The following CNIH3 variants were observed in gnomAD, a reference collection of about 807,000 sequenced individuals.
CNIH3 encodes the protein protein cornichon homolog 3.
A neutral mutation model predicts 24.1 loss-of-function variants in CNIH3; 14 were observed. The observed-to-expected ratio is 0.58, with a 90% CI of 0.38 to 0.91. The LOEUF is 0.91. Among genes scored for constraint, CNIH3 ranks in the 40% least tolerant of loss-of-function variants. The pLI, the probability that CNIH3 is intolerant of heterozygous loss-of-function variation, is 0.00. For missense variants in CNIH3, 178 were observed against 196.8 expected (o/e 0.90, Z 0.57); for synonymous variants, 68 against 73.8 (o/e 0.92, Z 0.40).
At chr1:224,654,094 A>AT (rs1334939903) in intron 1 of CNIH3, among the ~76,000 whole-genome samples, 1 of 151,668 alleles carries the variant, frequency 6.6e-6, no homozygotes, top group Non-Finnish European at 1.5e-5. Context: ...AAAAAAAAAA[A>AT]GATTTGGCTG....
At chr1:224,615,712 T>C (rs1466746707), upstream of CNIH3, 1 of 151,866 alleles carries the variant, frequency 6.6e-6, no homozygotes, top group African/African-American at 2.4e-5. Context: ...CAAGTCCACG[T>C]TTCCCTAGTC....
chr1:224,715,291 T>C (rs1688369959), intron 3 of CNIH3, among the ~76,000 whole-genome samples: 1 of 152,226 alleles, frequency 6.6e-6, no homozygotes, highest in African/African-American at 2.4e-5. Context: ...GTCCTGTGTC[T>C]TTGCTGGTCT....
chr1:224,687,305 C>T (rs985088404), intron 3 of CNIH3, among the ~76,000 whole-genome samples: 6 of 152,226 alleles, frequency 3.9e-5, no homozygotes, highest in African/African-American at 1.4e-4. Flanking sequence ...AATCATAACT[C>T]ACTGCAGCCT....
chr1:224,559,535 T>C (rs565910086), intron 3 of CNIH3, among the ~76,000 whole-genome samples: 10 of 152,182 alleles, frequency 6.6e-5, no homozygotes, highest in African/African-American at 2.4e-4. Context: ...TGGCTAGTGT[T>C]TTTATTTTTA....
chr1:224,705,850 CTT>C lies in CNIH3; in HGVS notation c.198+21014_198+21015del, dbSNP rs61128987. Among the ~76,000 whole-genome samples the C allele has an allele frequency of 2.2e-3, 199 of 90,206 alleles. 6 individuals carry two copies. Among genetic ancestry groups the C allele is most frequent in the Admixed American group, 0.021 (156 of 7,338 alleles). 59.2% of individuals were successfully genotyped at this position (90,206 alleles called of 152,430 possible). On this transcript the variant is annotated intron_variant, in intron 3 of 5. Coordinates refer to ENST00000272133, the MANE Select transcript of CNIH3 (RefSeq NM_152495.2). ...TTCTTTTCTTTTCTCTCTTTCTTTT[CTT>C]TTTTTTCTTTTTTTTTTTTTTTGAG...
At chr1:224,578,536 T>C (rs1238195573) in intron 4 of CNIH3, among the ~76,000 whole-genome samples, 1 of 152,188 alleles carries the variant, frequency 6.6e-6, no homozygotes, top group Non-Finnish European at 1.5e-5. Context: ...TCTTTCTCTT[T>C]CTTAGTGAGT....
chr1:224,718,113 A>G (rs911306296), intron 3 of CNIH3, among the ~76,000 whole-genome samples: 5 of 152,214 alleles, frequency 3.3e-5, no homozygotes, highest in African/African-American at 4.8e-5. Flanking sequence ...TGGGAAATAG[A>G]CAATAAGCAA....
intron 1 of CNIH3, among the ~76,000 whole-genome samples, chr1:224,449,746 C>G (rs1675313878): frequency 6.6e-6 from 1 of 152,184 alleles, no homozygotes; most frequent in Non-Finnish European, 1.5e-5. Flanking sequence ...TCATTGCTTA[C>G]ATGATAAAAT....
At chr1:224,487,327 G>T (rs1677067410) in intron 1 of CNIH3, among the ~76,000 whole-genome samples, 3 of 152,338 alleles carry the variant, frequency 2.0e-5, no homozygotes, top group Admixed American at 6.5e-5. Flanking sequence ...TGGACAGTTT[G>T]TAAACAGATG....
chr1:224,704,141 G>A lies in CNIH3; in HGVS notation c.198+19298G>A, dbSNP rs1687652181. On this transcript the variant is annotated intron_variant, in intron 3 of 5. Coordinates refer to ENST00000272133, the MANE Select transcript of CNIH3 (RefSeq NM_152495.2). The surrounding 1 kb of genome is among the most constrained non-coding windows in gnomAD (Gnocchi z 4.2). The stretch of plus-strand genomic sequence containing the variant: ...GGTGCAGGGTGGCAGGTGGAAGGAC[G>A]GTGTGTGTCCTGCCTGGTGTGAGCA... 6.6e-6 allele frequency among the ~76,000 whole-genome samples: 1 copy of A among 152,148 alleles called. No individual in the cohort carries two copies. Among genetic ancestry groups the A allele is most frequent in the South Asian group, 2.1e-4 (1 of 4,828 alleles).
At chr1:224,510,760 C>T (rs1483678683) in intron 1 of CNIH3, among the ~76,000 whole-genome samples, 3 of 152,186 alleles carry the variant, frequency 2.0e-5, no homozygotes, top group African/African-American at 7.2e-5. Flanking sequence ...CCAGAGTTTA[C>T]TGACTGATAC....
rs1682987158 is a variant in CNIH3, at chr1:224,616,386, C to T, written c.-789C>T. 2 of 831,326 alleles carry T rather than the reference C, an allele frequency of 2.4e-6. No homozygotes were observed. The highest frequency in any genetic ancestry group is 6.0e-5 in the Admixed American group (1 of 16,654). 51.5% of individuals were successfully genotyped at this position (831,326 alleles called of 1,614,324 possible). A position where few individuals can be genotyped will look rare whatever the true frequency, so the allele number is the denominator to read the frequency against. On this transcript the variant is annotated 5_prime_UTR_variant, in exon 1 of 6. Coordinates refer to ENST00000272133, the MANE Select transcript of CNIH3 (RefSeq NM_152495.2). The stretch of plus-strand genomic sequence containing the variant: ...AGGTGGAGCGAGCTACAGCGTTTGG[C>T]CTGAAACCCACTGCTGCAGCCACCC...
downstream of CNIH3, among the ~76,000 whole-genome samples, chr1:224,589,727 G>A (rs1423545363): frequency 1.3e-5 from 2 of 152,180 alleles, no homozygotes; most frequent in Non-Finnish European, 2.9e-5. Flanking sequence ...CTCTTTGGGT[G>A]GCTCTGTAGC....
intron 3 of CNIH3, among the ~76,000 whole-genome samples, chr1:224,706,421 G>T (rs756131595): frequency 1.3e-5 from 2 of 152,096 alleles, no homozygotes; most frequent in Non-Finnish European, 2.9e-5. Flanking sequence ...GCCTTTGATT[G>T]TCTTGCTAGA....
chr1:224,734,260 G>T (rs1192833965), intron 4 of CNIH3, among the ~76,000 whole-genome samples: 1 of 152,226 alleles, frequency 6.6e-6, no homozygotes, highest in Non-Finnish European at 1.5e-5. Flanking sequence ...CTTGTCCTGA[G>T]AGGCGGCTCT....
chr1:224,564,036 T>C (rs778624488), intron 3 of CNIH3, among the ~76,000 whole-genome samples: 2 of 152,212 alleles, frequency 1.3e-5, no homozygotes, highest in Non-Finnish European at 2.9e-5. Flanking sequence ...GTCCCCACTT[T>C]GAAAAGACCC....
chr1:224,439,651 C>T (rs1394898182), intron 1 of CNIH3, among the ~76,000 whole-genome samples: 4 of 152,110 alleles, frequency 2.6e-5, no homozygotes, highest in Admixed American at 1.3e-4. Flanking sequence ...CTCGCTCTGT[C>T]GCCAGGCTGG....
At chr1:224,729,293 T>C (rs1406936730) in intron 3 of CNIH3, among the ~76,000 whole-genome samples, 1 of 151,372 alleles carries the variant, frequency 6.6e-6, no homozygotes, top group African/African-American at 2.4e-5. Context: ...GCGCCTGTAA[T>C]GCCAGCTACT....
chr1:224,533,308 T>C (rs532742469), intron 2 of CNIH3, among the ~76,000 whole-genome samples: 391 of 151,276 alleles, frequency 2.6e-3, no homozygotes, highest in Non-Finnish European at 4.6e-3. Flanking sequence ...TCCTAGCTAC[T>C]TGGGAGGCTG....
Sources: gnomAD v4.1 joint callset for allele counts (sites outside exome capture counted in the v4.1 genomes callset) on GRCh38, gnomAD v4.1.1 for gene constraint, Gnocchi (gnomAD v3.1) non-coding constraint, MANE v1.5 for transcripts, NCBI Gene and HGNC (gene_info 2026-07-23, HGNC 2026-07-21) for gene names.